The following PCDH11X variants were observed in gnomAD, a reference collection of about 807,000 sequenced individuals.
The protein encoded by PCDH11X is protocadherin-11 X-linked.
PCDH11X carries 18 observed loss-of-function variants against 53.3 expected under a neutral mutation model. The observed-to-expected ratio is 0.34, with a 90% confidence interval of 0.23 to 0.50. The LOEUF (loss-of-function observed/expected upper bound fraction) is 0.50, where lower values mean the gene tolerates loss of function less well. PCDH11X is among the 20% of genes least tolerant of loss of function. PCDH11X has a pLI of 0.98. For missense variants in PCDH11X, 570 were observed against 1,032.4 expected (o/e 0.55, Z 6.14); for synonymous variants, 279 against 393.3 (o/e 0.71, Z 3.44).
chrX:92,162,325 G>T (rs1569398854), intron 6 of PCDH11X, among the ~76,000 whole-genome samples: 1 of 108,867 alleles, frequency 9.2e-6, no homozygotes, highest in Non-Finnish European at 1.9e-5. Flanking sequence ...CTGAGTAGCT[G>T]GGATTACAGG....
chrX:92,208,536 T>TATATAC (rs1408059749), intron 7 of PCDH11X, among the ~76,000 whole-genome samples: 2 of 80,071 alleles, frequency 2.5e-5, no homozygotes, highest in African/African-American at 9.9e-5. Context: ...TATATATATA[T>TATATAC]ACAATTTTTT....
intron 6 of PCDH11X, among the ~76,000 whole-genome samples, chrX:92,130,987 C>G (rs1458914697): frequency 9.0e-6 from 1 of 110,530 alleles, no homozygotes; most frequent in Non-Finnish European, 1.9e-5. Flanking sequence ...TATACACCTT[C>G]TCATTTTAGG....
chrX:91,980,877 A>G (rs191353114), intron 6 of PCDH11X, among the ~76,000 whole-genome samples: 2,174 of 106,098 alleles, frequency 0.02, 36 homozygotes, highest in African/African-American at 0.05. Context: ...TAATTTGTCA[A>G]TTCAGTAAAT....
chrX:91,961,590 A>G (rs1039887654), intron 6 of PCDH11X, among the ~76,000 whole-genome samples: 1 of 110,453 alleles, frequency 9.1e-6, no homozygotes, highest in African/African-American at 3.3e-5. Flanking sequence ...TAGAATGAAT[A>G]AACGAATTCA....
intron 7 of PCDH11X, among the ~76,000 whole-genome samples, chrX:92,250,430 A>T (rs766448810): frequency 7.3e-5 from 8 of 109,618 alleles, no homozygotes; most frequent in Admixed American, 3.0e-4. Flanking sequence ...TGACGGAGCA[A>T]TTCCACTCCA....
intron 6 of PCDH11X, among the ~76,000 whole-genome samples, chrX:92,157,314 T>C (rs766723585): frequency 9.0e-6 from 1 of 111,699 alleles, no homozygotes; most frequent in East Asian, 2.8e-4. Flanking sequence ...CCTCTGGTGA[T>C]CATGGTAAAT....
At chrX:92,343,983 G>A (rs760845504) in intron 8 of PCDH11X, among the ~76,000 whole-genome samples, 1 of 108,076 alleles carries the variant, frequency 9.3e-6, no homozygotes, top group Non-Finnish European at 1.9e-5. Flanking sequence ...TCTTGCCCCT[G>A]TCTCCTAAGT....
intron 6 of PCDH11X, among the ~76,000 whole-genome samples, chrX:91,980,951 A>T (rs868711507): frequency 1.1e-5 from 1 of 94,515 alleles, no homozygotes; most frequent in Non-Finnish European, 2.0e-5. Context: ...TATATTTTAT[A>T]TATGTATATA....
intron 8 of PCDH11X, among the ~76,000 whole-genome samples, chrX:92,304,760 T>C (rs1008497035): frequency 1.1e-4 from 12 of 112,424 alleles, no homozygotes; most frequent in African/African-American, 3.9e-4. Flanking sequence ...TATCCAATAT[T>C]CTTTCCACTG....
chrX:92,408,598 A>T (rs2071574790), intron 9 of PCDH11X, among the ~76,000 whole-genome samples: 1 of 110,807 alleles, frequency 9.0e-6, no homozygotes. Flanking sequence ...TTATTTTTTG[A>T]GACGGAGTCT....
At chrX:91,972,581 G>T (rs1400104703) in intron 6 of PCDH11X, among the ~76,000 whole-genome samples, 1 of 108,517 alleles carries the variant, frequency 9.2e-6, no homozygotes, top group Non-Finnish European at 1.9e-5. Flanking sequence ...TATGGTTTTA[G>T]GTCTAACGTT....
chrX:92,351,108 C>T (rs1464669053), intron 8 of PCDH11X, among the ~76,000 whole-genome samples: 2 of 112,038 alleles, frequency 1.8e-5, no homozygotes, highest in African/African-American at 6.5e-5. Context: ...TTACTGCGAT[C>T]ACGGGTCAAT....
At chrX:92,151,394 G>A (rs1418777107) in intron 6 of PCDH11X, among the ~76,000 whole-genome samples, 16 of 110,004 alleles carry the variant, frequency 1.5e-4, no homozygotes, top group Non-Finnish European at 3.8e-5. Flanking sequence ...GGGTTTCACC[G>A]TGTTAGCCAG....
At chrX:92,140,319 A>G (rs1349584751) in intron 6 of PCDH11X, among the ~76,000 whole-genome samples, 2 of 111,400 alleles carry the variant, frequency 1.8e-5, no homozygotes, top group Non-Finnish European at 3.8e-5. Context: ...TTCAACATCT[A>G]AGTAGACTTG....
chrX:92,217,701 A>G (rs888562866), intron 7 of PCDH11X, among the ~76,000 whole-genome samples: 3 of 106,294 alleles, frequency 2.8e-5, no homozygotes, highest in African/African-American at 1.0e-4. Flanking sequence ...CACCAAGTGG[A>G]CCTAATAGAC....
intron 10 of PCDH11X, among the ~76,000 whole-genome samples, chrX:92,474,950 G>A (rs1054971074): frequency 3.8e-5 from 4 of 106,199 alleles, no homozygotes; most frequent in African/African-American, 1.4e-4. Flanking sequence ...TGGATCACGA[G>A]GTCAGGAGAT....
At chrX:91,872,486 T>A (rs1167850837) in intron 5 of PCDH11X, among the ~76,000 whole-genome samples, 2 of 111,259 alleles carry the variant, frequency 1.8e-5, no homozygotes, top group East Asian at 5.6e-4. Context: ...TTTCTGAATG[T>A]GTTCACATAT....
chrX:92,286,668 A>G (rs1318742877), intron 8 of PCDH11X, among the ~76,000 whole-genome samples: 3 of 86,046 alleles, frequency 3.5e-5, no homozygotes, highest in Non-Finnish European at 6.7e-5. Context: ...ACTAGTTCCA[A>G]TTTTGGAGAT....
At chrX:92,130,144 T>C (rs982446254) in intron 6 of PCDH11X, among the ~76,000 whole-genome samples, 30 of 111,304 alleles carry the variant, frequency 2.7e-4, no homozygotes, top group South Asian at 7.5e-4. Context: ...ATTTTTAATA[T>C]TGGTAATCTA....
Sources: gnomAD v4.1 joint callset for allele counts (sites outside exome capture counted in the v4.1 genomes callset) on GRCh38, gnomAD v4.1.1 for gene constraint, MANE v1.5 for transcripts, NCBI Gene and HGNC (gene_info 2026-07-23, HGNC 2026-07-21) for gene names.